Variants in MBNL3 observed in about 807,000 individuals in gnomAD.
The protein encoded by MBNL3 is muscleblind like splicing regulator 3, also known as muscleblind-like protein 3.
In MBNL3, 6 loss-of-function variants were observed where a neutral mutation model predicts 24.5. That is an observed-to-expected ratio of 0.25 (90% confidence interval 0.13 to 0.48). MBNL3 has a LOEUF of 0.48. Among genes scored for constraint, MBNL3 ranks in the 20% least tolerant of loss-of-function variants. MBNL3 has a pLI of 0.99. For synonymous variants in MBNL3, 100 were observed against 101.7 expected, an observed-to-expected ratio of 0.98 and a Z score of 0.10; for missense variants, 230 against 293.5, an observed-to-expected ratio of 0.78 and a Z score of 1.58.
At chrX:132,397,524 T>A (rs1940005645) in intron 3 of MBNL3, among the ~76,000 whole-genome samples, 1 of 111,107 alleles carries the variant, frequency 9.0e-6, no homozygotes, top group South Asian at 3.8e-4. Flanking sequence ...CTGTCTAGAG[T>A]TGAATGACTA....
At chrX:132,413,546 C>G (rs1219618951) in intron 2 of MBNL3, 2 of 1,157,317 alleles carry the variant, frequency 1.7e-6, no homozygotes, top group Admixed American at 2.7e-5. Flanking sequence ...TTCATTTGCC[C>G]AGAGTAAAGT....
chrX:132,409,459 GGGC>G (rs765079977), intron 2 of MBNL3, among the ~76,000 whole-genome samples: 1 of 111,403 alleles, frequency 9.0e-6, no homozygotes, highest in African/African-American at 3.3e-5. Flanking sequence ...CACTCTGAGT[GGGC>G]CACAAGGTAC....
chrX:132,439,745 C>G lies in MBNL3; in HGVS notation c.-134G>C. ...CTTTGGTGAAATGTCTATTTGTTAA[C>G]ACTTAGGTTTTCATTAAAGTCAAAT... On this transcript the variant is annotated 5_prime_UTR_variant, in exon 2 of 9. Transcript: ENST00000370853. 1 of 946,002 alleles carries G rather than the reference C, an allele frequency of 1.1e-6. No homozygotes were observed. The highest frequency in any genetic ancestry group is 1.4e-6 in the Non-Finnish European group (1 of 735,356). The allele number at this position is 946,002 out of a possible 1,213,427, so 78.0% of individuals were successfully genotyped here.
At chrX:132,486,964 A>T (rs1181063898) in intron 1 of MBNL3, among the ~76,000 whole-genome samples, 1 of 111,326 alleles carries the variant, frequency 9.0e-6, no homozygotes, top group Non-Finnish European at 1.9e-5. Flanking sequence ...GCCCAGCACT[A>T]TATCAATTAT....
intron 7 of MBNL3, among the ~76,000 whole-genome samples, chrX:132,383,238 T>G (rs1170693506): frequency 8.9e-6 from 1 of 112,089 alleles, no homozygotes; most frequent in African/African-American, 3.2e-5. Context: ...CAGAGAAAAA[T>G]TAACATGTGC....
At chrX:132,380,095 G>GC (rs1187349916) in intron 8 of MBNL3, among the ~76,000 whole-genome samples, 2 of 112,233 alleles carry the variant, frequency 1.8e-5, no homozygotes, top group East Asian at 5.6e-4. Context: ...TGCAGAAGTA[G>GC]CCTACCTGTG....
chrX:132,471,190 G>A (rs1307687273), intron 1 of MBNL3, among the ~76,000 whole-genome samples: 2 of 110,909 alleles, frequency 1.8e-5, no homozygotes, highest in African/African-American at 3.3e-5. Flanking sequence ...ACTTCTTCCC[G>A]CCACTTCTTA....
At position 132,392,227 on chromosome X, in the gene MBNL3, A is replaced by G; in HGVS notation, c.450T>C (p.Asn150=). ...MGLVPAELVP[N]TPVLIPGNPP... Reference sequence around the variant, plus strand: ...GGTTTCCAGGAATCAGAACAGGTGTATTTGGTACAAGTTCTGCAGGAACGA... The same window carrying G: ...GGTTTCCAGGAATCAGAACAGGTGTGTTTGGTACAAGTTCTGCAGGAACGA... Residue 150 remains asparagine, a synonymous_variant, in exon 4 of 9, where the codon AAT becomes AAC. Transcript: ENST00000370853. 1.7e-6 allele frequency: 2 copies of G among 1,210,512 alleles called. No individual in the cohort carries two copies. Among genetic ancestry groups the G allele is most frequent in the African/African-American group, 1.7e-5 (1 of 57,741 alleles).
chrX:132,433,659 T>C (rs1305527745), intron 2 of MBNL3, among the ~76,000 whole-genome samples: 1 of 112,248 alleles, frequency 8.9e-6, no homozygotes, highest in Non-Finnish European at 1.9e-5. Context: ...GTGGGCTTGC[T>C]TTCCCCCGAT....
At chrX:132,381,302 G>T in intron 8 of MBNL3, 1 of 716,653 alleles carries the variant, frequency 1.4e-6, no homozygotes, top group Non-Finnish European at 2.0e-6. Flanking sequence ...GTGCAATTGT[G>T]TAAATAAAAT....
At chrX:132,437,021 A>G (rs1304955487) in intron 2 of MBNL3, among the ~76,000 whole-genome samples, 1 of 111,788 alleles carries the variant, frequency 8.9e-6, no homozygotes, top group Non-Finnish European at 1.9e-5. Context: ...ATTGGCTATT[A>G]TCTATTTTGT....
At position 132,447,312 on chromosome X, in the gene MBNL3, G is replaced by A. The variant is rs754266519; in HGVS notation, c.-703-6998C>T. Among the ~76,000 whole-genome samples, 8 of 111,742 alleles carry A rather than the reference G, an allele frequency of 7.2e-5. No homozygotes were observed. In the South Asian group the frequency reaches 3.0e-3, roughly 42 times the overall value. ...GAAGAAAGTCAGTGGTAGCTTGATG[G>A]GGATAGCATTGAATCTATAAATTAC... is the stretch of plus-strand genomic sequence containing the variant. On this transcript the variant is annotated intron_variant, in intron 1 of 8. Transcript: ENST00000370853.
chrX:132,474,019 T>G (rs1196239287), intron 1 of MBNL3, among the ~76,000 whole-genome samples: 2 of 111,278 alleles, frequency 1.8e-5, no homozygotes. Context: ...TCAATAATCA[T>G]AAGCTTCTAA....
chrX:132,486,173 C>T (rs1458584901), intron 1 of MBNL3, among the ~76,000 whole-genome samples: 1 of 111,932 alleles, frequency 8.9e-6, no homozygotes, highest in African/African-American at 3.2e-5. Flanking sequence ...ATTCTGCCAC[C>T]TTCCTGAATT....
At chrX:132,462,876 T>C (rs1301400202) in intron 1 of MBNL3, among the ~76,000 whole-genome samples, 1 of 111,582 alleles carries the variant, frequency 9.0e-6, no homozygotes, top group Non-Finnish European at 1.9e-5. Context: ...ACTTTAGTTA[T>C]TTAGGGCACT....
intron 1 of MBNL3, among the ~76,000 whole-genome samples, chrX:132,487,956 C>T (rs1948095139): frequency 9.0e-6 from 1 of 111,515 alleles, no homozygotes; most frequent in African/African-American, 3.3e-5. Flanking sequence ...CAGTAATCAC[C>T]CAAACGTTTA....
intron 1 of MBNL3, among the ~76,000 whole-genome samples, chrX:132,443,874 C>T (rs1276745197): frequency 2.8e-5 from 3 of 106,957 alleles, no homozygotes; most frequent in African/African-American, 1.0e-4. Flanking sequence ...TCTCATTTTA[C>T]AGATGGGGAA....
chrX:132,420,667 T>C (rs1943728498), intron 2 of MBNL3, among the ~76,000 whole-genome samples: 1 of 111,054 alleles, frequency 9.0e-6, no homozygotes, highest in African/African-American at 3.3e-5. Context: ...GCCCCGTGTT[T>C]AAAGGTGGAT....
chrX:132,424,964 T>C (rs1404886755), intron 2 of MBNL3, among the ~76,000 whole-genome samples: 2 of 111,448 alleles, frequency 1.8e-5, no homozygotes, highest in African/African-American at 6.5e-5. Flanking sequence ...GCCTCAAGAA[T>C]TGGGAAAAAG....
Sources: gnomAD v4.1 joint callset for allele counts (sites outside exome capture counted in the v4.1 genomes callset) on GRCh38, gnomAD v4.1.1 for gene constraint, MANE v1.5 for transcripts, NCBI Gene and HGNC (gene_info 2026-07-23, HGNC 2026-07-21) for gene names.